The following SGCD variants were observed in gnomAD, a reference collection of about 807,000 sequenced individuals.
SGCD encodes sarcoglycan delta.
SGCD carries 18 observed loss-of-function variants against 36.6 expected under a neutral mutation model. The ratio of observed to expected loss-of-function variants is 0.49; its 90% CI spans 0.34 to 0.73. The LOEUF is 0.73. Ranked by LOEUF, SGCD falls within the 30% of genes least tolerant of loss-of-function variation. The pLI, the probability that SGCD is intolerant of heterozygous loss-of-function variation, is 0.01. For missense variants in SGCD, 387 were observed against 346.7 expected, an observed-to-expected ratio of 1.12 and a Z score of -0.92; for synonymous variants, 133 against 130.6, an observed-to-expected ratio of 1.02 and a Z score of -0.12.
chr5:156,607,257 C>T (rs1247112906), intron 6 of SGCD, among the ~76,000 whole-genome samples: 2 of 152,024 alleles, frequency 1.3e-5, no homozygotes, highest in Non-Finnish European at 2.9e-5. Flanking sequence ...TAGCATGAAG[C>T]ATTGTTGAAT....
intron 2 of SGCD, among the ~76,000 whole-genome samples, chr5:156,119,182 G>C (rs1303672710): frequency 6.6e-6 from 1 of 152,122 alleles, no homozygotes; most frequent in Non-Finnish European, 1.5e-5. Flanking sequence ...CCAGTTTTCA[G>C]TTAGACTATT....
chr5:155,972,839 A>G (rs181756297), intron 1 of SGCD, among the ~76,000 whole-genome samples: 1 of 152,184 alleles, frequency 6.6e-6, no homozygotes, highest in Non-Finnish European at 1.5e-5. Context: ...GAATCTTTTC[A>G]TATGACTGTC....
chr5:156,715,690 T>C (rs1025568062), intron 7 of SGCD, among the ~76,000 whole-genome samples: 1 of 152,230 alleles, frequency 6.6e-6, no homozygotes, highest in African/African-American at 2.4e-5. Flanking sequence ...CATTTCAGTC[T>C]GGTTAATTAA....
chr5:156,193,374 G>A (rs1376662770), intron 3 of SGCD, among the ~76,000 whole-genome samples: 1 of 152,018 alleles, frequency 6.6e-6, no homozygotes, highest in African/African-American at 2.4e-5. Flanking sequence ...TCATTCTTTT[G>A]TGCAAGTTTC....
chr5:155,882,921 A>T (rs1272040961), intron 1 of SGCD, among the ~76,000 whole-genome samples: 3 of 152,186 alleles, frequency 2.0e-5, no homozygotes, highest in African/African-American at 7.2e-5. Flanking sequence ...GCTTCTTCCA[A>T]CAGAAAGCTG....
At chr5:156,648,964 C>A (rs1763345135) in intron 7 of SGCD, among the ~76,000 whole-genome samples, 1 of 152,100 alleles carries the variant, frequency 6.6e-6, no homozygotes, top group Non-Finnish European at 1.5e-5. Flanking sequence ...ACGTTTCTTA[C>A]AGAACTAGTC....
Position 156,034,170 on chromosome 5 carries a change from G to A in SGCD, c.-281-83708G>A, listed in dbSNP as rs191248413. The stretch of plus-strand genomic sequence containing the variant: ...GTCAAGCAGAAAAATGCTTTCTTTC[G>A]TTTTCACATGAGCCACCCACAGCTG... On this transcript the variant is annotated intron_variant, in intron 1 of 9. Coordinates refer to the SGCD transcript ENST00000517913. Among the ~76,000 whole-genome samples, 67 of 152,224 alleles carry A rather than the reference G, an allele frequency of 4.4e-4. 1 individual carries two copies. Among genetic ancestry groups the A allele is most frequent in the African/African-American group, 1.4e-3 (59 of 41,536 alleles).
At chr5:156,274,938 G>A (rs1766278562) in intron 3 of SGCD, among the ~76,000 whole-genome samples, 1 of 152,152 alleles carries the variant, frequency 6.6e-6, no homozygotes, top group African/African-American at 2.4e-5. Flanking sequence ...GGTAAGGACT[G>A]TATTGAAGGA....
intron 3 of SGCD, among the ~76,000 whole-genome samples, chr5:156,395,724 A>G (rs925925472): frequency 6.6e-6 from 1 of 152,310 alleles, no homozygotes; most frequent in South Asian, 2.1e-4. Context: ...GCGAGGTTAC[A>G]TGATTTGTTA....
At chr5:156,689,439 C>G (rs1330020231) in intron 7 of SGCD, among the ~76,000 whole-genome samples, 1 of 151,940 alleles carries the variant, frequency 6.6e-6, no homozygotes, top group Non-Finnish European at 1.5e-5. Flanking sequence ...AGTACCATAC[C>G]AAAAAGGAAT....
At chr5:156,682,197 C>T (rs1198419756) in intron 7 of SGCD, among the ~76,000 whole-genome samples, 1 of 152,138 alleles carries the variant, frequency 6.6e-6, no homozygotes, top group Non-Finnish European at 1.5e-5. Context: ...CGTAGAATGT[C>T]ACTGTAAATA....
At chr5:155,945,199 C>G (rs1239566936) in intron 1 of SGCD, among the ~76,000 whole-genome samples, 1 of 152,048 alleles carries the variant, frequency 6.6e-6, no homozygotes, top group African/African-American at 2.4e-5. Context: ...TTTGTAAAAC[C>G]ATGTTAATAC....
intron 3 of SGCD, among the ~76,000 whole-genome samples, chr5:156,253,373 A>C (rs566399488): frequency 6.6e-6 from 1 of 152,334 alleles, no homozygotes; most frequent in South Asian, 2.1e-4. Flanking sequence ...GAGGCTAATT[A>C]GCATTTTTCA....
the SGCD span, among the ~76,000 whole-genome samples, chr5:155,775,873 A>AGTT: frequency 6.6e-6 from 1 of 152,136 alleles, no homozygotes; most frequent in East Asian, 1.9e-4. Flanking sequence ...CCAAAGGAGA[A>AGTT]GTAGAGTGTT....
intron 3 of SGCD, among the ~76,000 whole-genome samples, chr5:156,272,669 A>G (rs868486523): frequency 1.3e-5 from 2 of 152,120 alleles, no homozygotes; most frequent in Middle Eastern, 3.2e-3. Context: ...TCTGCTAAAA[A>G]CTATATATTT....
At chr5:156,582,504 G>A (rs769709384) in intron 4 of SGCD, among the ~76,000 whole-genome samples, 15 of 152,158 alleles carry the variant, frequency 9.9e-5, no homozygotes, top group Non-Finnish European at 2.1e-4. Flanking sequence ...CACTCCCACA[G>A]AGCTGAATCC....
At position 156,747,416 on chromosome 5, in the gene SGCD, G is replaced by T. The variant is rs994911122; in HGVS notation, c.576-10165G>T. ...TTCAAGACTTTTTTATGAGGATGCT[G>T]TTAAGCTATTGGACAGGGCAGTGAT... On this transcript the variant is annotated intron_variant, in intron 7 of 8. Transcript: ENST00000337851. 3.3e-5 allele frequency among the ~76,000 whole-genome samples: 5 copies of T among 152,194 alleles called. No individual in the cohort carries two copies. In the South Asian group the frequency reaches 8.3e-4, roughly 25 times the overall value.
At position 156,059,114 on chromosome 5, in the gene SGCD, A is replaced by T. The variant is rs1042497717; in HGVS notation, c.-281-58764A>T. On this transcript the variant is annotated intron_variant, in intron 1 of 9. Transcript: ENST00000517913. ...GGGTATATCATTTTTTAAATAAAAA[A>T]AAAAAAGTTTTGGTTTTTGATTTCT... 2.1e-5 allele frequency among the ~76,000 whole-genome samples: 3 copies of T among 145,874 alleles called. No homozygotes were observed. The South Asian group carries it at 6.5e-4, about 31-fold the overall frequency.
chr5:156,094,992 C>CA lies in SGCD; in HGVS notation c.-281-22876dup, dbSNP rs368974803. Among the ~76,000 whole-genome samples the CA allele has an allele frequency of 1.2e-3, 170 of 147,190 alleles. 1 individual carries two copies. Among genetic ancestry groups the CA allele is most frequent in the Middle Eastern group, 3.4e-3 (1 of 292 alleles). ...CTCCAGCCTGAGTGAGACTCCATCT[C>CA]AAAAAAAAAAGAAAGAAAGCAGTCC... On this transcript the variant is annotated intron_variant, in intron 1 of 9. Transcript: ENST00000517913.
Sources: gnomAD v4.1 joint callset for allele counts (sites outside exome capture counted in the v4.1 genomes callset) on GRCh38, gnomAD v4.1.1 for gene constraint, MANE v1.5 for transcripts, NCBI Gene and HGNC (gene_info 2026-07-23, HGNC 2026-07-21) for gene names.